The following CCDC57 variants were observed in gnomAD, a reference collection of about 807,000 sequenced individuals.
CCDC57 encodes the protein coiled-coil domain containing 57.
CCDC57 carries 118 observed loss-of-function variants against 118.9 expected under a neutral mutation model. The observed-to-expected ratio is 0.99, with a 90% CI of 0.86 to 1.16. The LOEUF (loss-of-function observed/expected upper bound fraction) is 1.16. Ranked by LOEUF, CCDC57 falls within the 50% of genes most tolerant of loss-of-function variation. CCDC57 has a pLI of 0.00. For missense variants in CCDC57, 1,300 were observed against 1,320.7 expected, an observed-to-expected ratio of 0.98 and a Z score of 0.24; for synonymous variants, 527 against 532.9, an observed-to-expected ratio of 0.99 and a Z score of 0.15.
intron 9 of CCDC57, among the ~76,000 whole-genome samples, 197 bp downstream of exon 8, chr17:82,183,577 G>A (rs998847183): frequency 6.6e-6 from 1 of 152,076 alleles, no homozygotes; most frequent in Non-Finnish European, 1.5e-5. Context: ...GCTCCCTCCA[G>A]CAGGCGGCCC....
chr17:82,160,791 T>C (rs1039188051), intron 14 of CCDC57, among the ~76,000 whole-genome samples: 10 of 149,446 alleles, frequency 6.7e-5, no homozygotes, highest in Non-Finnish European at 1.2e-4. Context: ...GGAGAATTCC[T>C]TGAACCCGGG....
chr17:82,156,914 T>C (rs2042746050), intron 15 of CCDC57: 1 of 152,334 alleles, frequency 6.6e-6, no homozygotes, highest in Non-Finnish European at 1.5e-5. Flanking sequence ...GCCCTGGGGA[T>C]CCACGCTGTC....
rs1284868338 is a variant in CCDC57 at position 82,101,875 on chromosome 17, T to C, written c.2900-9A>G. ...TGGAGGAGCTGGGAGCTCTGTCAGG[T>C]AAAGAGGAAAAAACAGCATGCATCA... On this transcript the variant is annotated splice_polypyrimidine_tract_variant and intron_variant, in intron 19 of 19. Coordinates refer to ENST00000665763, the Ensembl canonical transcript of CCDC57. 3 of 1,559,854 alleles carry C rather than the reference T, an allele frequency of 1.9e-6. No homozygotes were observed. The highest frequency in any genetic ancestry group is 4.1e-5 in the Admixed American group (2 of 48,990).
At position 82,212,751 on chromosome 17, in the gene CCDC57, C is replaced by CCCACGCCTCCCACGCCTG. The variant is rs2050258571; in HGVS notation, c.-211+33_-211+34insCAGGCGTGGGAGGCGTGG. The CCCACGCCTCCCACGCCTG allele has an allele frequency of 6.6e-6, 1 of 150,956 alleles. No homozygotes were observed. The highest frequency in any genetic ancestry group is 2.1e-4 in the South Asian group (1 of 4,834). 9.4% of individuals were successfully genotyped at this position (150,956 alleles called of 1,614,324 possible). A position where few individuals can be genotyped will look rare whatever the true frequency, so the allele number is the denominator to read the frequency against. On this transcript the variant is annotated intron_variant, in intron 1 of 19. Transcript: ENST00000665763. The surrounding 1 kb of genome is among the most constrained non-coding windows in gnomAD (Gnocchi z 4.1). ...GGTCGGAGCGGCGCCCCCCACGCCT[C>CCCACGCCTCCCACGCCTG]CCACGCCTCCCACGCCGCCCGCCCG...
intron 14 of CCDC57, 96 bp downstream of exon 13, chr17:82,163,104 C>A: frequency 6.8e-7 from 1 of 1,472,926 alleles, no homozygotes; most frequent in East Asian, 2.3e-5. Context: ...TGCCCGAGGT[C>A]ACCTGGGGTC....
intron 16 of CCDC57, among the ~76,000 whole-genome samples, chr17:82,144,597 C>T (rs4789743): frequency 2.0e-5 from 3 of 152,182 alleles, no homozygotes; most frequent in African/African-American, 7.2e-5. Context: ...AACAGGGAAC[C>T]GAGGTCAAGG....
intron 19 of CCDC57, among the ~76,000 whole-genome samples, chr17:82,116,865 C>A (rs2035984962): frequency 6.6e-6 from 1 of 152,204 alleles, no homozygotes; most frequent in African/African-American, 2.4e-5. Flanking sequence ...AGTCTAGGTC[C>A]CCCCACAGCA....
intron 9 of CCDC57, among the ~76,000 whole-genome samples, chr17:82,182,605 T>G (rs983898799): frequency 1.3e-5 from 2 of 151,772 alleles, no homozygotes; most frequent in Non-Finnish European, 2.9e-5. Context: ...CTGCCAGCCT[T>G]GGCCTCCCAA....
chr17:82,179,080 G>T (rs777518706), exon 10 of CCDC57: 1 of 1,613,832 alleles, frequency 6.2e-7, no homozygotes, highest in Admixed American at 1.7e-5. Flanking sequence ...TTTTGGATCT[G>T]GTCCCTTTCA....
chr17:82,202,961 C>T (rs1217290274), intron 2 of CCDC57, among the ~76,000 whole-genome samples: 1 of 152,194 alleles, frequency 6.6e-6, no homozygotes, highest in Non-Finnish European at 1.5e-5. Flanking sequence ...AATGCCCCTT[C>T]CCACCCAACA....
At chr17:82,127,537 A>G in intron 19 of CCDC57, 155 bp downstream of exon 18, 1 of 985,426 alleles carries the variant, frequency 1.0e-6, no homozygotes, top group Non-Finnish European at 1.2e-6. Context: ...GTGCCAAATG[A>G]GAGGTAAAGA....
chr17:82,104,326 A>C (rs2034688737), intron 19 of CCDC57, among the ~76,000 whole-genome samples: 1 of 152,028 alleles, frequency 6.6e-6, no homozygotes, highest in Admixed American at 6.6e-5. Flanking sequence ...CCCCTCCCCC[A>C]CGGGCTGCTT....
At chr17:82,125,365 C>A (rs116492657) in intron 19 of CCDC57, among the ~76,000 whole-genome samples, 1 of 151,048 alleles carries the variant, frequency 6.6e-6, no homozygotes, top group Non-Finnish European at 1.5e-5. Flanking sequence ...TAGGGAGACA[C>A]CATCTCTACT....
At chr17:82,190,339 G>A (rs1048374482) in intron 7 of CCDC57, among the ~76,000 whole-genome samples, 16 of 152,210 alleles carry the variant, frequency 1.1e-4, no homozygotes, top group Non-Finnish European at 2.1e-4. Flanking sequence ...CAGTGATGCT[G>A]GAAGTGAGCA....
intron 16 of CCDC57, among the ~76,000 whole-genome samples, chr17:82,137,030 T>C (rs78707872): frequency 7.6e-6 from 1 of 130,960 alleles, no homozygotes; most frequent in African/African-American, 2.8e-5. Flanking sequence ...TTTTTTTTTT[T>C]TGAGACAGAG....
intron 7 of CCDC57, among the ~76,000 whole-genome samples, chr17:82,191,338 T>A (rs146203368): frequency 1.4e-4 from 22 of 152,126 alleles, no homozygotes; most frequent in African/African-American, 5.1e-4. Context: ...GCAGAAGGGC[T>A]CCCATCACTC....
At chr17:82,115,438 C>T (rs1598645479) in intron 19 of CCDC57, among the ~76,000 whole-genome samples, 1 of 152,086 alleles carries the variant, frequency 6.6e-6, no homozygotes, top group African/African-American at 2.4e-5. Flanking sequence ...AAAAATTAAC[C>T]GAGTTAGCAG....
chr17:82,144,056 A>AAAAAC (rs112574589), intron 16 of CCDC57, among the ~76,000 whole-genome samples: 69,743 of 150,502 alleles, frequency 0.46, 16,942 homozygotes, highest in East Asian at 0.88. Flanking sequence ...ATTCCATCTC[A>AAAAAC]AAAACAAAAC....
chr17:82,151,182 C>T, intron 16 of CCDC57, among the ~76,000 whole-genome samples: 1 of 141,582 alleles, frequency 7.1e-6, no homozygotes, highest in Non-Finnish European at 1.5e-5. Context: ...GAACCAGGCG[C>T]ACACCCAGAA....
Sources: allele counts gnomAD v4.1 joint callset (sites outside exome capture counted in the v4.1 genomes callset), GRCh38; gene constraint gnomAD v4.1.1; non-coding constraint Gnocchi (gnomAD v3.1); transcripts MANE v1.5; gene names NCBI Gene and HGNC (gene_info 2026-07-23, HGNC 2026-07-21).